The following IVD variants were observed in gnomAD, a reference collection of about 807,000 sequenced individuals.
The protein encoded by IVD is isovaleryl-CoA dehydrogenase.
Under a neutral mutation model 51.3 loss-of-function variants are expected in IVD, and 31 were observed. The observed-to-expected ratio is 0.60, with a 90% CI of 0.45 to 0.81. IVD has a LOEUF of 0.81. IVD is among the 40% of genes least tolerant of loss of function. IVD has a pLI of 0.00. For missense variants in IVD, 475 were observed against 552.0 expected, an observed-to-expected ratio of 0.86 and a Z score of 1.40; for synonymous variants, 205 against 219.4, an observed-to-expected ratio of 0.93 and a Z score of 0.58.
At position 40,415,564 on chromosome 15, in the gene IVD, C is replaced by T. The variant is rs73385117; in HGVS notation, c.960+82C>T. 3.1e-4 allele frequency: 367 copies of T among 1,190,386 alleles called. No individual in the cohort carries two copies. In the African/African-American group the frequency reaches 4.7e-3, roughly 15 times the overall value. The allele number at this position is 1,190,386 out of a possible 1,614,324, so 73.7% of individuals were successfully genotyped here. A position where few individuals can be genotyped will look rare whatever the true frequency, so the allele number is the denominator to read the frequency against. Reference sequence around the variant, plus strand: ...AAAAGAGAGGAAGTGAGGTGGGCACCGTGGATGGTTACTGTCTCCTCTAGC... The same window carrying T: ...AAAAGAGAGGAAGTGAGGTGGGCACTGTGGATGGTTACTGTCTCCTCTAGC... On this transcript the variant is annotated intron_variant, in intron 9 of 11. Transcript: ENST00000487418.
At chr15:40,413,134 A>G in intron 7 of IVD, 47 bp downstream of exon 7, 1 of 1,451,258 alleles carries the variant, frequency 6.9e-7, no homozygotes, top group Admixed American at 1.7e-5. Context: ...ACCCCCTTCC[A>G]GGCTGATCTG....
chr15:40,418,174 C>T lies in IVD; in HGVS notation c.1183C>T (p.Arg395Ter), dbSNP rs398123681. The change falls in exon 12 of 12, where the codon CGA becomes TGA. Residue 395 changes from arginine to a stop codon, truncating the protein, a stop_gained. Transcript: ENST00000487418. LOFTEE classifies it high-confidence loss of function. ...TGACTTTCCCATGGGCCGCTTTCTTCGAGATGCCAAGCTGTATGAGATAGG... is the reference window on the plus strand; with the variant it reads ...TGACTTTCCCATGGGCCGCTTTCTTTGAGATGCCAAGCTGTATGAGATAGG... ...INDFPMGRFL[R>*]DAKLYEIGAG... 62 of 1,614,060 alleles carry T rather than the reference C, an allele frequency of 3.8e-5. No individual in the cohort carries two copies. Among genetic ancestry groups the T allele is most frequent in the Non-Finnish European group, 4.8e-5 (57 of 1,180,038 alleles).
In IVD at chr15:40,418,114, C is replaced by T. The variant is rs758684735; in HGVS notation, c.1139-16C>T. 1.1e-5 allele frequency: 18 copies of T among 1,613,778 alleles called. No homozygotes were observed. The East Asian group carries it at 3.6e-4, about 32-fold the overall frequency. ...TCAATCACTTCCTTTCTTCTCTGCC[C>T]AAACCCTGGTTGCAGGTGGCAATGG... On this transcript the variant is annotated splice_polypyrimidine_tract_variant and intron_variant, in intron 11 of 11. Transcript: ENST00000487418.
At chr15:40,417,267 G>C (rs1412523522) in intron 11 of IVD, among the ~76,000 whole-genome samples, 3 of 151,202 alleles carry the variant, frequency 2.0e-5, no homozygotes, top group Non-Finnish European at 4.4e-5. Flanking sequence ...CAGCACTTTG[G>C]GAGGCCGAGG....
intron 7 of IVD, chr15:40,414,388 G>A: frequency 5.5e-6 from 1 of 182,824 alleles, no homozygotes; most frequent in Non-Finnish European, 1.2e-5. Flanking sequence ...CAGTCTCCTG[G>A]CTTTACTGGG....
chr15:40,411,420 A>G (rs1891072234), intron 5 of IVD, 67 bp downstream of exon 5: 2 of 1,596,328 alleles, frequency 1.3e-6, no homozygotes, highest in Non-Finnish European at 1.7e-6. Context: ...ATAATGGAGC[A>G]ACAATTGTGG....
At chr15:40,435,533 C>A in exon 9 of IVD, 1 of 1,218,982 alleles carries the variant, frequency 8.2e-7, no homozygotes, top group Non-Finnish European at 1.1e-6. Flanking sequence ...CCTGCCTGAA[C>A]TCACACCCCG....
At chr15:40,415,973 C>A in intron 9 of IVD, 105 bp from the exon 10 acceptor site, 3 of 949,974 alleles carry the variant, frequency 3.2e-6, no homozygotes, top group Non-Finnish European at 5.0e-6. Flanking sequence ...CCTCTCCATG[C>A]CCCTGCTTCC....
rs146011049 is a variant in IVD, at chr15:40,416,078, T to C, written c.961T>C (p.Leu321=). ...AFGQKIGHFQ[L]MQGKMADMYT... ...ACCTGTGACATCCCTTTGTGCCCAG[T>C]TGATGCAGGGGAAGATGGCTGACAT... Residue 321 remains leucine (L), a splice_region_variant and synonymous_variant, in exon 10 of 12, where the codon TTG becomes CTG. Transcript: ENST00000487418. The C allele has an allele frequency of 1.4e-4, 229 of 1,614,196 alleles. 1 individual carries two copies. Among genetic ancestry groups the C allele is most frequent in the Non-Finnish European group, 1.8e-4 (212 of 1,180,000 alleles).
chr15:40,426,479 A>G (rs1342774633), downstream of IVD, among the ~76,000 whole-genome samples: 1 of 151,090 alleles, frequency 6.6e-6, no homozygotes, highest in African/African-American at 2.4e-5. Context: ...CAGAGGTTGC[A>G]GTGAGCCGAG....
downstream of IVD, among the ~76,000 whole-genome samples, chr15:40,425,467 TTCTTCC>T (rs1892618236): frequency 7.3e-6 from 1 of 137,284 alleles, no homozygotes; most frequent in African/African-American, 2.6e-5. Context: ...TATATATATA[TTCTTCC>T]ATATCTTGCT....
intron 6 of IVD, among the ~76,000 whole-genome samples, chr15:40,412,436 G>A (rs1891182462): frequency 6.6e-6 from 1 of 152,210 alleles, no homozygotes; most frequent in Admixed American, 6.5e-5. Flanking sequence ...AGCTGTCTAG[G>A]GTTGGAGCAG....
downstream of IVD, among the ~76,000 whole-genome samples, chr15:40,422,622 C>CG (rs1175584760): frequency 2.1e-5 from 1 of 46,800 alleles, no homozygotes; most frequent in African/African-American, 1.0e-4. Context: ...TTTTTTAAGA[C>CG]GGAGTCTCAC....
intron 9 of IVD, 78 bp from the exon 10 acceptor site, chr15:40,416,000 T>C (rs1891627184): frequency 4.7e-6 from 6 of 1,269,266 alleles, no homozygotes; most frequent in Non-Finnish European, 6.8e-6. Flanking sequence ...TTGGCTGTCT[T>C]GTTGCCATTG....
chr15:40,433,897 C>G (rs772435132), exon 8 of IVD: 3 of 456,530 alleles, frequency 6.6e-6, no homozygotes, highest in Non-Finnish European at 1.3e-5. Context: ...AACATCTGCT[C>G]CTGGGGCAAT....
At chr15:40,428,630 T>C (rs981229390), downstream of IVD, among the ~76,000 whole-genome samples, 2 of 152,142 alleles carry the variant, frequency 1.3e-5, no homozygotes, top group African/African-American at 4.8e-5. Flanking sequence ...CTCCAGGCTG[T>C]CAGAGACCTT....
chr15:40,428,955 C>G (rs1892823324), downstream of IVD, among the ~76,000 whole-genome samples: 1 of 152,160 alleles, frequency 6.6e-6, no homozygotes, highest in Non-Finnish European at 1.5e-5. Context: ...AATGAGGACC[C>G]AGCCCGGTCC....
At chr15:40,409,293 C>T (rs1015321532) in intron 3 of IVD, among the ~76,000 whole-genome samples, 15 of 151,722 alleles carry the variant, frequency 9.9e-5, no homozygotes, top group Non-Finnish European at 1.6e-4. Context: ...CCGAGTGACT[C>T]GGGAGGCCAA....
At chr15:40,413,476 G>GA (rs1028422102) in intron 7 of IVD, among the ~76,000 whole-genome samples, 9 of 150,130 alleles carry the variant, frequency 6.0e-5, no homozygotes, top group Non-Finnish European at 8.9e-5. Context: ...ATGATGCTAA[G>GA]AAAAAAAAAC....
Sources: allele counts gnomAD v4.1 joint callset (sites outside exome capture counted in the v4.1 genomes callset), GRCh38; gene constraint gnomAD v4.1.1; transcripts MANE v1.5; gene names NCBI Gene and HGNC (gene_info 2026-07-23, HGNC 2026-07-21).